The following MAN2A1 variants were observed in gnomAD, a reference collection of about 807,000 sequenced individuals.
The protein encoded by MAN2A1 is mannosidase alpha class 2A member 1.
A neutral mutation model predicts 142.6 loss-of-function variants in MAN2A1; 76 were observed. That is an observed-to-expected ratio of 0.53 (90% confidence interval 0.44 to 0.65). The LOEUF is 0.65. Ranked by LOEUF, MAN2A1 falls within the 30% of genes least tolerant of loss-of-function variation. MAN2A1 has a pLI of 0.00. For synonymous variants in MAN2A1, 559 were observed against 473.2 expected (o/e 1.18, Z -2.35); for missense variants, 1,311 against 1,365.1 (o/e 0.96, Z 0.62).
intron 18 of MAN2A1, among the ~76,000 whole-genome samples, chr5:109,846,626 C>T (rs1338214133): frequency 6.6e-6 from 1 of 152,152 alleles, no homozygotes; most frequent in African/African-American, 2.4e-5. Context: ...GGTTATCATA[C>T]ATGGTATCAT....
intron 5 of MAN2A1, among the ~76,000 whole-genome samples, chr5:109,765,485 A>G (rs150840498): frequency 5.9e-5 from 9 of 152,214 alleles, no homozygotes; most frequent in Non-Finnish European, 1.2e-4. Context: ...CTGTCCTAGT[A>G]CTGGTAATAC....
intron 2 of MAN2A1, among the ~76,000 whole-genome samples, chr5:109,714,702 G>C (rs1216449688): frequency 6.6e-6 from 1 of 152,180 alleles, no homozygotes; most frequent in Non-Finnish European, 1.5e-5. Flanking sequence ...AAATTATTTG[G>C]CTTCTGGCCT....
At chr5:109,752,319 C>T (rs988901048) in intron 4 of MAN2A1, among the ~76,000 whole-genome samples, 1 of 152,234 alleles carries the variant, frequency 6.6e-6, no homozygotes, top group Admixed American at 6.5e-5. Flanking sequence ...TATCTGTGAG[C>T]TTCTTCTAAT....
intron 4 of MAN2A1, among the ~76,000 whole-genome samples, chr5:109,743,676 G>A (rs909452799): frequency 2.6e-5 from 4 of 151,944 alleles, no homozygotes; most frequent in Admixed American, 6.6e-5. Flanking sequence ...CCTGCTTTTC[G>A]TCTCCATTGC....
At chr5:109,825,596 G>A (rs1020221152) in intron 16 of MAN2A1, among the ~76,000 whole-genome samples, 1 of 152,134 alleles carries the variant, frequency 6.6e-6, no homozygotes, top group Non-Finnish European at 1.5e-5. Flanking sequence ...TGCTGCTAGT[G>A]GCTGTAGCTT....
intron 20 of MAN2A1, among the ~76,000 whole-genome samples, chr5:109,860,821 G>A (rs1320841473): frequency 2.6e-5 from 4 of 152,112 alleles, no homozygotes; most frequent in Non-Finnish European, 5.9e-5. Flanking sequence ...AATTTCCAAA[G>A]CTTGGTTTCT....
At chr5:109,784,632 G>T in intron 9 of MAN2A1, 112 bp from the exon 10 acceptor site, 3 of 708,186 alleles carry the variant, frequency 4.2e-6, no homozygotes, top group Non-Finnish European at 6.8e-6. Flanking sequence ...TTCATAAATT[G>T]CTTGTACTGC....
chr5:109,700,447 C>T (rs1030221589), intron 1 of MAN2A1, among the ~76,000 whole-genome samples: 2 of 152,174 alleles, frequency 1.3e-5, no homozygotes, highest in African/African-American at 2.4e-5. Flanking sequence ...TCTGTTTCTT[C>T]ATACCACAGA....
intron 2 of MAN2A1, among the ~76,000 whole-genome samples, chr5:109,715,583 T>G (rs1159341377): frequency 6.6e-6 from 1 of 152,154 alleles, no homozygotes; most frequent in Non-Finnish European, 1.5e-5. Context: ...TGGTTGACCC[T>G]GTTGTAGTTT....
At chr5:109,818,989 A>G (rs1459467238) in intron 13 of MAN2A1, among the ~76,000 whole-genome samples, 4 of 152,224 alleles carry the variant, frequency 2.6e-5, no homozygotes, top group African/African-American at 9.6e-5. Flanking sequence ...ATGGCATAGT[A>G]CAGATGATCC....
At chr5:109,729,559 T>C (rs561113020) in intron 4 of MAN2A1, 46 bp downstream of exon 4, 2 of 1,034,104 alleles carry the variant, frequency 1.9e-6, no homozygotes, top group South Asian at 2.4e-5. Flanking sequence ...TAAAGCTTAA[T>C]TGTACAATGA....
intron 16 of MAN2A1, among the ~76,000 whole-genome samples, chr5:109,838,741 A>C (rs1030786673): frequency 6.6e-6 from 1 of 152,214 alleles, no homozygotes; most frequent in Non-Finnish European, 1.5e-5. Flanking sequence ...TCTTATTTTA[A>C]AAGTCTGTCC....
At chr5:109,854,016 A>G (rs1045369879) in intron 19 of MAN2A1, 4 of 152,124 alleles carry the variant, frequency 2.6e-5, no homozygotes, top group African/African-American at 9.7e-5. Flanking sequence ...CTTCTGTGCA[A>G]TGCTAATCTG....
chr5:109,837,368 G>T (rs1403077923), intron 16 of MAN2A1, among the ~76,000 whole-genome samples: 1 of 151,900 alleles, frequency 6.6e-6, no homozygotes, highest in Non-Finnish European at 1.5e-5. Context: ...TTTCAGTTCA[G>T]TGCCCTCTGC....
chr5:109,838,224 G>T (rs1472128417), intron 16 of MAN2A1, among the ~76,000 whole-genome samples: 1 of 152,112 alleles, frequency 6.6e-6, no homozygotes, highest in Admixed American at 6.5e-5. Flanking sequence ...ATGCAAATAA[G>T]GATAAACAAA....
intron 12 of MAN2A1, among the ~76,000 whole-genome samples, chr5:109,813,500 G>T (rs1754373161): frequency 6.6e-6 from 1 of 152,240 alleles, no homozygotes; most frequent in Admixed American, 6.5e-5. Context: ...TATATGTCCA[G>T]TGAGAAGAAT....
chr5:109,690,699 T>A, intron 1 of MAN2A1, 147 bp downstream of exon 1: 2 of 907,054 alleles, frequency 2.2e-6, no homozygotes, highest in Non-Finnish European at 3.3e-6. Flanking sequence ...CGGACGGCAA[T>A]GATCACCTCC....
intron 8 of MAN2A1, among the ~76,000 whole-genome samples, chr5:109,778,149 C>G (rs1753346680): frequency 6.6e-6 from 1 of 151,626 alleles, no homozygotes; most frequent in South Asian, 2.1e-4. Flanking sequence ...GATTTGAGCA[C>G]AAATAACTAC....
intron 15 of MAN2A1, among the ~76,000 whole-genome samples, chr5:109,821,851 A>G (rs985434273): frequency 6.6e-6 from 1 of 151,420 alleles, no homozygotes; most frequent in Non-Finnish European, 1.5e-5. Context: ...TTAGTTTGTT[A>G]ATTATTTTAT....
Sources: gnomAD v4.1 joint callset for allele counts (sites outside exome capture counted in the v4.1 genomes callset) on GRCh38, gnomAD v4.1.1 for gene constraint, MANE v1.5 for transcripts, NCBI Gene and HGNC (gene_info 2026-07-23, HGNC 2026-07-21) for gene names.